The following CDH12 variants were observed in gnomAD, a reference collection of about 807,000 sequenced individuals.
CDH12 encodes the protein cadherin 12.
A neutral mutation model predicts 74.1 loss-of-function variants in CDH12; 41 were observed. That is an observed-to-expected ratio of 0.55 (90% confidence interval 0.43 to 0.72). The LOEUF is 0.72. Among genes scored for constraint, CDH12 ranks in the 30% least tolerant of loss-of-function variants. The pLI, the probability that CDH12 is intolerant of heterozygous loss-of-function variation, is 0.00. For synonymous variants in CDH12, 399 were observed against 355.0 expected (o/e 1.12, Z -1.39); for missense variants, 945 against 977.2 (o/e 0.97, Z 0.44).
chr5:22,114,644 C>T (rs576803845), intron 4 of CDH12, among the ~76,000 whole-genome samples: 4 of 152,196 alleles, frequency 2.6e-5, no homozygotes, highest in Middle Eastern at 3.4e-3. Context: ...ATAAAGACTT[C>T]TTTTCTTCTT....
At chr5:22,280,225 T>C (rs1736815951) in intron 3 of CDH12, among the ~76,000 whole-genome samples, 2 of 152,172 alleles carry the variant, frequency 1.3e-5, no homozygotes, top group Admixed American at 1.3e-4. Context: ...GATGGGGTTG[T>C]TTGTTTTTTC....
At chr5:22,122,634 T>TGA (rs1745591822) in intron 4 of CDH12, among the ~76,000 whole-genome samples, 1 of 152,214 alleles carries the variant, frequency 6.6e-6, no homozygotes. Flanking sequence ...GTAAGCACCA[T>TGA]GAGAGTCTAT....
intron 6 of CDH12, among the ~76,000 whole-genome samples, chr5:21,903,633 C>A (rs1428424783): frequency 6.6e-6 from 1 of 152,070 alleles, no homozygotes; most frequent in East Asian, 1.9e-4. Flanking sequence ...CCGGTTTCCC[C>A]TATTTGGTGC....
chr5:22,208,010 G>T, intron 4 of CDH12, among the ~76,000 whole-genome samples: 1 of 152,102 alleles, frequency 6.6e-6, no homozygotes. Context: ...TAGGTACTGT[G>T]ATTGGCTCAA....
chr5:21,764,600 G>C (rs1204029775), intron 12 of CDH12, among the ~76,000 whole-genome samples: 1 of 133,690 alleles, frequency 7.5e-6, no homozygotes, highest in African/African-American at 2.8e-5. Flanking sequence ...AGTGAGCCAA[G>C]AATGTGCCAT....
chr5:21,826,242 A>G (rs977103253), intron 8 of CDH12, among the ~76,000 whole-genome samples: 2 of 152,194 alleles, frequency 1.3e-5, no homozygotes, highest in African/African-American at 4.8e-5. Flanking sequence ...CATTACTTGG[A>G]TATCTCCAAG....
intron 3 of CDH12, among the ~76,000 whole-genome samples, chr5:22,307,782 T>C (rs889878804): frequency 6.6e-6 from 1 of 151,936 alleles, no homozygotes; most frequent in African/African-American, 2.4e-5. Context: ...ATGGGTCATT[T>C]TGGCACTCAG....
In CDH12 at chr5:22,405,280, A is replaced by G; in HGVS notation, c.-356T>C. The G allele has an allele frequency of 1.0e-6, 1 of 970,246 alleles. No homozygotes were observed. The highest frequency in any genetic ancestry group is 1.8e-5 in the African/African-American group (1 of 57,066). 60.1% of individuals were successfully genotyped at this position (970,246 alleles called of 1,614,324 possible). A position where few individuals can be genotyped will look rare whatever the true frequency, so the allele number is the denominator to read the frequency against. On this transcript the variant is annotated 5_prime_UTR_variant, in exon 3 of 15. The change abolishes the stop of an existing upstream ORF in the 5' untranslated region. Coordinates refer to ENST00000382254, the MANE Select transcript of CDH12 (RefSeq NM_004061.5). The stretch of plus-strand genomic sequence containing the variant: ...ACAAGTTAGAGGCAATTTATTTTCT[A>G]AGGCCAGCTTATGTATCTCAAATTG...
At chr5:22,564,213 T>G (rs1394727712) in intron 1 of CDH12, among the ~76,000 whole-genome samples, 4 of 152,228 alleles carry the variant, frequency 2.6e-5, no homozygotes, top group Non-Finnish European at 5.9e-5. Flanking sequence ...CAGTAAATGG[T>G]GTCATATCGT....
At chr5:21,872,293 CAG>C (rs1277842693) in intron 6 of CDH12, among the ~76,000 whole-genome samples, 3 of 151,688 alleles carry the variant, frequency 2.0e-5, no homozygotes, top group African/African-American at 7.3e-5. Flanking sequence ...CTAAATATTT[CAG>C]ACTATACATA....
chr5:22,547,847 T>C (rs1348072866), intron 1 of CDH12, among the ~76,000 whole-genome samples: 1 of 152,160 alleles, frequency 6.6e-6, no homozygotes, highest in African/African-American at 2.4e-5. Context: ...GAATATTGAA[T>C]GATGCAGTAA....
chr5:22,698,721 ATATATATATATATAGTGTGTGTGT>A (rs1742540827), intron 1 of CDH12, among the ~76,000 whole-genome samples: 2 of 18,910 alleles, frequency 1.1e-4, no homozygotes, highest in Admixed American at 6.2e-4. Flanking sequence ...ATATATATAT[ATATATATATATATAGTGTGTGTGT>A]GTGTGTGTGT....
intron 6 of CDH12, among the ~76,000 whole-genome samples, chr5:21,953,194 T>C (rs1022308538): frequency 1.3e-5 from 2 of 152,018 alleles, no homozygotes; most frequent in African/African-American, 2.4e-5. Flanking sequence ...CCCACTCTTA[T>C]CTGAACTCAG....
At chr5:22,392,486 G>A (rs765486747) in intron 3 of CDH12, among the ~76,000 whole-genome samples, 7 of 152,130 alleles carry the variant, frequency 4.6e-5, no homozygotes, top group Non-Finnish European at 8.8e-5. Context: ...ATGAAGATAA[G>A]TTTTTGAGGG....
chr5:22,363,649 C>T (rs1740913739), intron 3 of CDH12, among the ~76,000 whole-genome samples: 1 of 152,116 alleles, frequency 6.6e-6, no homozygotes, highest in African/African-American at 2.4e-5. Flanking sequence ...GTGGTAGAGA[C>T]CCTTGATTAC....
At chr5:22,294,732 A>T (rs546268694) in intron 3 of CDH12, among the ~76,000 whole-genome samples, 1 of 152,336 alleles carries the variant, frequency 6.6e-6, no homozygotes, top group East Asian at 1.9e-4. Flanking sequence ...AAATGGCCGT[A>T]AGGTTCTCCT....
chr5:22,041,078 G>T (rs1459926522), intron 5 of CDH12, among the ~76,000 whole-genome samples: 1 of 151,970 alleles, frequency 6.6e-6, no homozygotes, highest in Non-Finnish European at 1.5e-5. Context: ...AAAGTCTAGA[G>T]TTTTTTATGT....
At chr5:22,745,270 A>G (rs970796704) in intron 1 of CDH12, among the ~76,000 whole-genome samples, 6 of 149,682 alleles carry the variant, frequency 4.0e-5, no homozygotes, top group African/African-American at 1.5e-4. Context: ...TAAGCATTCC[A>G]TTGAGATTTT....
intron 1 of CDH12, among the ~76,000 whole-genome samples, chr5:22,812,261 T>G (rs1474336241): frequency 6.6e-6 from 1 of 152,116 alleles, no homozygotes; most frequent in African/African-American, 2.4e-5. Flanking sequence ...GGTGCTAGTA[T>G]AAGGATTAAG....
Sources: gnomAD v4.1 joint callset for allele counts (sites outside exome capture counted in the v4.1 genomes callset) on GRCh38, gnomAD v4.1.1 for gene constraint, MANE v1.5 for transcripts, NCBI Gene and HGNC (gene_info 2026-07-23, HGNC 2026-07-21) for gene names.